The following OSBPL7 variants were observed in gnomAD, a reference collection of about 807,000 sequenced individuals.
The protein encoded by OSBPL7 is oxysterol binding protein like 7, also known as oxysterol-binding protein-related protein 7.
Under a neutral mutation model 115.8 loss-of-function variants are expected in OSBPL7, and 66 were observed. The observed-to-expected ratio is 0.57, with a 90% CI of 0.47 to 0.70. The LOEUF (loss-of-function observed/expected upper bound fraction) is 0.70, where lower values mean the gene tolerates loss of function less well. Among genes scored for constraint, OSBPL7 ranks in the 30% least tolerant of loss-of-function variants. The probability of loss-of-function intolerance (pLI) is 0.00; values close to 1 mark genes in which losing one functional copy is unlikely to be tolerated. For synonymous variants in OSBPL7, 441 were observed against 439.2 expected (o/e 1.00, Z -0.05); for missense variants, 902 against 1,125.5 (o/e 0.80, Z 2.84).
chr17:47,810,612 A>C lies in OSBPL7; in HGVS notation c.1862T>G (p.Val621Gly), dbSNP rs1321360465. The change falls in exon 18 of 23, where the codon GTC becomes GGC. Residue 621 changes from valine (V) to glycine (G), a missense_variant. Transcript: ENST00000007414. ...ATCCCACCTGGGCAGGCTGACGTTG[A>C]CTGTTCCCACAGGCACAATCTCCAG... ...KSLEIVPVGT[V>G]NVSLPRFGDH... The C allele has an allele frequency of 3.7e-6, 6 of 1,613,984 alleles. No homozygotes were observed. Among genetic ancestry groups the C allele is most frequent in the Non-Finnish European group, 5.1e-6 (6 of 1,179,994 alleles).
chr17:47,816,235 G>A lies in OSBPL7; in HGVS notation c.1024-33C>T. 1 of 1,537,834 alleles carries A rather than the reference G, an allele frequency of 6.5e-7. No individual in the cohort carries two copies. ...GAGAGGGTGAGGGACACGGTGCCAG[G>A]AGGATGAGGTCCTCCCCACCTTGCC... On this transcript the variant is annotated intron_variant, in intron 11 of 22. Coordinates refer to ENST00000007414, the MANE Select transcript of OSBPL7 (RefSeq NM_145798.3). This position sits in a 1 kb window ranked among gnomAD's most constrained non-coding sequence, Gnocchi z 5.8.
chr17:47,815,336 A>G lies in OSBPL7; in HGVS notation c.1136T>C (p.Met379Thr). Residue 379 changes from methionine to threonine, a missense_variant, in exon 13 of 23, where the codon ATG becomes ACG. Around this residue, in one of 3 missense-constraint regions of OSBPL7, gnomAD observed 667 missense variants for 788.7 expected, o/e 0.85. Transcript: ENST00000007414. ...CTGGGGGGTGAGCTCGCGCCCCTTC[A>G]TGTACAGAGCTTCTTGCTGTGGGAG... is the stretch of plus-strand genomic sequence containing the variant. ...LNPEEQEALY[M>T]KGRELTPQLS... The G allele has an allele frequency of 6.2e-7, 1 of 1,613,830 alleles. No individual in the cohort carries two copies.
intron 18 of OSBPL7, among the ~76,000 whole-genome samples, chr17:47,809,908 TTTC>T (rs535204154): frequency 0.026 from 2,936 of 115,078 alleles, 50 homozygotes; most frequent in Middle Eastern, 0.068. Flanking sequence ...TTTCTTTTCT[TTTC>T]TTTTTTTTTT....
chr17:47,818,160 T>A (rs1368963618), intron 7 of OSBPL7, 109 bp downstream of exon 7: 3 of 928,092 alleles, frequency 3.2e-6, no homozygotes, highest in Non-Finnish European at 3.3e-6. Context: ...GCAGAGGCTG[T>A]CTCATTAAAC....
rs765730608 is a variant in OSBPL7 at position 47,808,907 on chromosome 17, G to A, written c.2254C>T (p.Arg752Trp). The A allele has an allele frequency of 1.4e-5, 22 of 1,614,110 alleles. No individual in the cohort carries two copies. Among genetic ancestry groups the A allele is most frequent in the Admixed American group, 3.3e-5 (2 of 60,008 alleles). Residue 752 changes from arginine to tryptophan, a missense_variant, in exon 21 of 23, where the codon CGG becomes TGG. Coordinates refer to ENST00000007414, the MANE Select transcript of OSBPL7 (RefSeq NM_145798.3). The surrounding 1 kb of genome is among the most constrained non-coding windows in gnomAD (Gnocchi z 6.1). ...ELNELTAELK[R>W]SLPSTDTRLR... Reference sequence around the variant, plus strand: ...CTCGTGTCGGTGGAAGGCAGCGACCGTTTCAGCTCTGCTGTCAGCTCATTC... The same window carrying A: ...CTCGTGTCGGTGGAAGGCAGCGACCATTTCAGCTCTGCTGTCAGCTCATTC...
chr17:47,808,813 G>C lies in OSBPL7; in HGVS notation c.2297+51C>G. On this transcript the variant is annotated intron_variant, in intron 21 of 22. Transcript: ENST00000007414. This position sits in a 1 kb window ranked among gnomAD's most constrained non-coding sequence, Gnocchi z 6.1. The stretch of plus-strand genomic sequence containing the variant: ...GGACAAAGCCCCAGCTCTGTACTCT[G>C]TGGAGGGAGTGAACTAGATGGTTCT... 2 of 1,610,884 alleles carry C rather than the reference G, an allele frequency of 1.2e-6. No individual in the cohort carries two copies. Among genetic ancestry groups the C allele is most frequent in the Non-Finnish European group, 1.7e-6 (2 of 1,177,400 alleles).
chr17:47,819,998 C>T lies in OSBPL7; in HGVS notation c.174G>A (p.Arg58=). The change falls in exon 3 of 23, where the codon AGG becomes AGA. Residue 58 remains arginine, a synonymous_variant. Transcript: ENST00000007414. ...TGTGCCAGCCCTTCAGAGGCCACTT[C>T]CTCTTCTTGAGCAGGTGACCTTCCT... ...ERQEGHLLKK[R]KWPLKGWHKR... The T allele has an allele frequency of 6.7e-7, 1 of 1,497,526 alleles. No homozygotes were observed. The highest frequency in any genetic ancestry group is 9.0e-7 in the Non-Finnish European group (1 of 1,109,508). 92.8% of individuals were successfully genotyped at this position (1,497,526 alleles called of 1,614,324 possible).
intron 14 of OSBPL7, 42 bp downstream of exon 14, chr17:47,814,479 A>AGCCC: frequency 2.6e-5 from 28 of 1,086,648 alleles, no homozygotes; most frequent in Middle Eastern, 2.5e-4. Context: ...CTGTTTTTCC[A>AGCCC]CCCGCCTCCC....
At chr17:47,813,488 T>A (rs1386969533) in intron 15 of OSBPL7, 85 bp from the exon 16 acceptor site, 2 of 1,597,586 alleles carry the variant, frequency 1.3e-6, no homozygotes, top group Admixed American at 3.4e-5. Context: ...GGGTGGAACT[T>A]CAGCAATAAG....
chr17:47,818,642 G>C, intron 5 of OSBPL7, 26 bp from the exon 6 acceptor site: 1 of 1,583,988 alleles, frequency 6.3e-7, no homozygotes, highest in Non-Finnish European at 8.6e-7. Flanking sequence ...AGAGGGGGAG[G>C]GCTATCTGAA....
At chr17:47,810,487 GCCAGA>G in intron 18 of OSBPL7, 102 bp downstream of exon 18, 1 of 958,798 alleles carries the variant, frequency 1.0e-6, no homozygotes, top group Non-Finnish European at 1.6e-6. Flanking sequence ...GCAGCTTCAG[GCCAGA>G]CCTTCCTATC....
chr17:47,809,886 ATTTTC>A lies in OSBPL7; in HGVS notation c.1881-413_1881-409del, dbSNP rs201925618. Among the ~76,000 whole-genome samples the A allele has an allele frequency of 3.7e-3, 527 of 140,788 alleles. 5 individuals are homozygous for A. The highest frequency in any genetic ancestry group is 7.6e-3 in the Middle Eastern group (2 of 264). The allele number at this position is 140,788 out of a possible 152,430, so 92.4% of individuals were successfully genotyped here. A position where few individuals can be genotyped will look rare whatever the true frequency, so the allele number is the denominator to read the frequency against. ...AAGTCTTTTTGCTGCTTGCATCACTATTTTCTTTTCTTTTCTTTTCTTTTCTTTTT... is the reference window on the plus strand; with the variant it reads ...AAGTCTTTTTGCTGCTTGCATCACTATTTTCTTTTCTTTTCTTTTCTTTTT... On this transcript the variant is annotated intron_variant, in intron 18 of 22. Coordinates refer to ENST00000007414, the MANE Select transcript of OSBPL7 (RefSeq NM_145798.3).
rs185721097 is a variant in OSBPL7, at chr17:47,813,408, G to C, written c.1600-5C>G. 3.7e-6 allele frequency: 6 copies of C among 1,613,666 alleles called. No homozygotes were observed. The highest frequency in any genetic ancestry group is 1.1e-5 in the South Asian group (1 of 91,070). On this transcript the variant is annotated splice_region_variant and splice_polypyrimidine_tract_variant and intron_variant, in intron 15 of 22. Transcript: ENST00000007414. ...AGCAAAGGCTGCGATGTACACCTGT[G>C]GGGGGCAAGGAAGGTGCAGGGTACT...
At chr17:47,818,177 TC>T in intron 7 of OSBPL7, 91 bp downstream of exon 7, 1 of 1,130,608 alleles carries the variant, frequency 8.8e-7, no homozygotes, top group Non-Finnish European at 1.3e-6. Context: ...AAACTGGGGC[TC>T]CCTGAGGCAG....
At position 47,808,286 on chromosome 17, in the gene OSBPL7, C is replaced by T; in HGVS notation, c.*5G>A. ...AACCAGAGCCTCCTGCCCCCGGGGC[C>T]AGGGCTACCAGAGCACGGCCCCATC... On this transcript the variant is annotated 3_prime_UTR_variant, in exon 23 of 23. Transcript: ENST00000007414. This position sits in a 1 kb window ranked among gnomAD's most constrained non-coding sequence, Gnocchi z 6.1. The T allele has an allele frequency of 6.2e-7, 1 of 1,607,602 alleles. No homozygotes were observed. The highest frequency in any genetic ancestry group is 8.5e-7 in the Non-Finnish European group (1 of 1,174,976).
chr17:47,818,145 T>C (rs1322117739), intron 7 of OSBPL7, 124 bp downstream of exon 7: 1 of 812,856 alleles, frequency 1.2e-6, no homozygotes, highest in African/African-American at 1.7e-5. Flanking sequence ...TGGATCTCCT[T>C]GGAGGCAGAG....
At chr17:47,814,717 G>T in intron 13 of OSBPL7, 103 bp from the exon 14 acceptor site, 1 of 985,164 alleles carries the variant, frequency 1.0e-6, no homozygotes, top group Non-Finnish European at 1.5e-6. Context: ...CCTTTGGTGG[G>T]AAGGGGAAGA....
At chr17:47,818,139 T>A (rs2033282222) in intron 7 of OSBPL7, 130 bp downstream of exon 7, 2 of 765,426 alleles carry the variant, frequency 2.6e-6, no homozygotes, top group Non-Finnish European at 4.2e-6. Flanking sequence ...GTAGACTGGA[T>A]CTCCTTGGAG....
At chr17:47,817,398 T>G (rs1218845854) in intron 7 of OSBPL7, 39 bp from the exon 8 acceptor site, 2 of 1,464,844 alleles carry the variant, frequency 1.4e-6, no homozygotes, top group Non-Finnish European at 1.9e-6. Context: ...CACCATTCAT[T>G]TTTTTTTTGA....
Sources: gnomAD v4.1 joint callset for allele counts (sites outside exome capture counted in the v4.1 genomes callset) on GRCh38, gnomAD v4.1.1 for gene constraint, gnomAD v4.1.1 regional missense constraint, Gnocchi (gnomAD v3.1) non-coding constraint, MANE v1.5 for transcripts, NCBI Gene and HGNC (gene_info 2026-07-23, HGNC 2026-07-21) for gene names.